The following RET variants were observed in gnomAD, a reference collection of about 807,000 sequenced individuals.
The protein encoded by RET is ret proto-oncogene, also known as proto-oncogene tyrosine-protein kinase receptor Ret.
In RET, 19 loss-of-function variants were observed where a neutral mutation model predicts 118.3. That is an observed-to-expected ratio of 0.16 (90% confidence interval 0.11 to 0.24). The LOEUF (loss-of-function observed/expected upper bound fraction) is 0.24. RET is among the 10% of genes least tolerant of loss of function. The pLI, the probability that RET is intolerant of heterozygous loss-of-function variation, is 1.00. For missense variants in RET, 1,219 were observed against 1,502.1 expected (o/e 0.81, Z 3.12); for synonymous variants, 597 against 644.1 (o/e 0.93, Z 1.11).
chr10:43,090,383 G>A (rs753125224), intron 1 of RET, among the ~76,000 whole-genome samples: 6 of 152,212 alleles, frequency 3.9e-5, no homozygotes, highest in Non-Finnish European at 8.8e-5. Flanking sequence ...GCTCGTGTGA[G>A]GAGGAGGCGT....
intron 1 of RET, among the ~76,000 whole-genome samples, chr10:43,081,913 C>G (rs1440669649): frequency 6.6e-6 from 1 of 152,190 alleles, no homozygotes; most frequent in Non-Finnish European, 1.5e-5. Flanking sequence ...GACCAAGGCT[C>G]TGGGACACTT....
Position 43,119,607 on chromosome 10 carries a change from G to A in RET, c.2469G>A (p.Gly823=), listed in dbSNP as rs1588877213. ...TCCTCCGCGAGAGCCGCAAAGTGGG[G>A]CCTGGCTACCTGGGCAGTGGAGGCA... The part of the protein sequence containing the change: ...RGFLRESRKV[G]PGYLGSGGSR... The change falls in exon 14 of 20, where the codon GGG becomes GGA. Residue 823 remains glycine, a synonymous_variant. Coordinates refer to ENST00000355710, the MANE Select transcript of RET (RefSeq NM_020975.6). 2 of 1,612,704 alleles carry A rather than the reference G, an allele frequency of 1.2e-6. No homozygotes were observed. The highest frequency in any genetic ancestry group is 1.7e-6 in the Non-Finnish European group (2 of 1,179,948).
intron 1 of RET, among the ~76,000 whole-genome samples, chr10:43,093,742 C>T (rs1181631070): frequency 1.3e-5 from 2 of 152,140 alleles, no homozygotes; most frequent in Non-Finnish European, 2.9e-5. Flanking sequence ...AGCATGGGCC[C>T]TCAGCAGCAG....
chr10:43,125,300 T>C (rs1013812205), intron 18 of RET, among the ~76,000 whole-genome samples: 1 of 152,090 alleles, frequency 6.6e-6, no homozygotes, highest in Non-Finnish European at 1.5e-5. Context: ...AATGAGAAAG[T>C]TGAGTTAAAG....
rs1342683619 is a variant in RET, at chr10:43,106,381, C to T, written c.873C>T (p.Thr291=). 1.9e-6 allele frequency: 3 copies of T among 1,610,460 alleles called. No homozygotes were observed. Among genetic ancestry groups the T allele is most frequent in the Non-Finnish European group, 2.5e-6 (3 of 1,179,844 alleles). The stretch of plus-strand genomic sequence containing the variant: ...ACGCCCTCTGCATCCTGCAGGACAC[C>T]GTGGTGGCCACGCTGCGTGTCTTCG... ...AVVEFKRKED[T]VVATLRVFDA... Residue 291 remains threonine (T), a synonymous_variant, in exon 5 of 20, where the codon ACC becomes ACT. Coordinates refer to ENST00000355710, the MANE Select transcript of RET (RefSeq NM_020975.6). This position sits in a 1 kb window ranked among gnomAD's most constrained non-coding sequence, Gnocchi z 5.1.
At chr10:43,118,508 C>A (rs1183810341) in intron 13 of RET, 28 bp downstream of exon 13, 3 of 1,539,406 alleles carry the variant, frequency 1.9e-6, no homozygotes, top group Non-Finnish European at 2.7e-6. Context: ...GTGAGGTGGG[C>A]AGCCACTGCA....
intron 15 of RET, among the ~76,000 whole-genome samples, chr10:43,121,205 G>A (rs1338696886): frequency 6.6e-6 from 1 of 152,206 alleles, no homozygotes; most frequent in Non-Finnish European, 1.5e-5. Context: ...AGACGTGCAG[G>A]CTACACTGTC....
chr10:43,102,754 A>T (rs538498860), intron 3 of RET, 125 bp downstream of exon 3: 1 of 1,205,496 alleles, frequency 8.3e-7, no homozygotes, highest in East Asian at 2.5e-5. Context: ...TCAATATTCC[A>T]GAAGTACCTC....
Position 43,123,264 on chromosome 10 carries a change from A to G in RET, c.2802-407A>G, listed in dbSNP as rs560463852. 4.6e-5 allele frequency among the ~76,000 whole-genome samples: 7 copies of G among 152,358 alleles called. No homozygotes were observed. In the South Asian group the frequency reaches 1.4e-3, roughly 32 times the overall value. ...AGCACATAGAAATGGCAAAAGAACT[A>G]TACAAGGCACTCTGAGTCTGGTGGC... On this transcript the variant is annotated intron_variant, in intron 16 of 19. Transcript: ENST00000355710.
intron 11 of RET, among the ~76,000 whole-genome samples, chr10:43,115,331 C>T (rs1838047045): frequency 6.6e-6 from 1 of 152,240 alleles, no homozygotes. Context: ...CCACAGGGCC[C>T]TGGCAGTTCC....
chr10:43,112,628 G>A (rs935302253), intron 8 of RET, among the ~76,000 whole-genome samples: 7 of 152,156 alleles, frequency 4.6e-5, no homozygotes, highest in Admixed American at 2.0e-4. Context: ...AGAGGGTCCC[G>A]GCCTCTTTGC....
chr10:43,095,237 G>A (rs1837497380), intron 1 of RET, among the ~76,000 whole-genome samples: 1 of 152,204 alleles, frequency 6.6e-6, no homozygotes, highest in Admixed American at 6.5e-5. Flanking sequence ...GGTATGGGCT[G>A]CATCAGTGCC....
chr10:43,128,384 G>T lies in RET; in HGVS notation c.*115G>T. The T allele has an allele frequency of 7.9e-7, 1 of 1,258,838 alleles. No homozygotes were observed. The highest frequency in any genetic ancestry group is 1.2e-6 in the Non-Finnish European group (1 of 867,984). 78.0% of individuals were successfully genotyped at this position (1,258,838 alleles called of 1,614,324 possible). On this transcript the variant is annotated 3_prime_UTR_variant, in exon 20 of 20. Coordinates refer to ENST00000355710, the MANE Select transcript of RET (RefSeq NM_020975.6). ...TTGGCCGAGCCGTGTTCAGTTCCCA[G>T]GTGGCAGACTCGTTTTTGGTAGTTT...
intron 1 of RET, among the ~76,000 whole-genome samples, chr10:43,089,790 C>T (rs376707839): frequency 1.7e-4 from 26 of 152,360 alleles, no homozygotes; most frequent in African/African-American, 6.3e-4. Context: ...TGGAGGAAGC[C>T]GTCCCTGCCA....
In RET at chr10:43,118,420, G is replaced by A. The variant is rs75686697; in HGVS notation, c.2332G>A (p.Val778Ile). 3.4e-5 allele frequency: 55 copies of A among 1,614,026 alleles called. No homozygotes were observed. The highest frequency in any genetic ancestry group is 5.5e-5 in the South Asian group (5 of 91,088). ...GCGAGACCTGCTGTCAGAGTTCAACGTCCTGAAGCAGGTCAACCACCCACA... is the reference window on the plus strand; with the variant it reads ...GCGAGACCTGCTGTCAGAGTTCAACATCCTGAAGCAGGTCAACCACCCACA... ...ELRDLLSEFN[V>I]LKQVNHPHVI... is the part of the protein sequence containing the mutation. Residue 778 changes from valine to isoleucine, a missense_variant, in exon 13 of 20, where the codon GTC becomes ATC. Physicochemically the swap from Val to Ile is conservative, Grantham distance 29. Coordinates refer to ENST00000355710, the MANE Select transcript of RET (RefSeq NM_020975.6).
At chr10:43,088,833 G>A (rs1190723416) in intron 1 of RET, among the ~76,000 whole-genome samples, 7 of 152,168 alleles carry the variant, frequency 4.6e-5, no homozygotes, top group African/African-American at 9.7e-5. Flanking sequence ...CTCATGGCCC[G>A]AGGAGCTGGC....
At chr10:43,122,937 T>C (rs1419508121) in intron 16 of RET, among the ~76,000 whole-genome samples, 2 of 152,184 alleles carry the variant, frequency 1.3e-5, no homozygotes, top group Non-Finnish European at 2.9e-5. Flanking sequence ...TACTGTGGGC[T>C]GTGAATAAGC....
Position 43,114,816 on chromosome 10 carries a change from G to C in RET, c.2136+80G>C. The C allele has an allele frequency of 2.0e-6, 3 of 1,467,104 alleles. No homozygotes were observed. The highest frequency in any genetic ancestry group is 2.7e-6 in the Non-Finnish European group (3 of 1,096,178). 90.9% of individuals were successfully genotyped at this position (1,467,104 alleles called of 1,614,324 possible). A position where few individuals can be genotyped will look rare whatever the true frequency, so the allele number is the denominator to read the frequency against. On this transcript the variant is annotated intron_variant, in intron 11 of 19. Coordinates refer to ENST00000355710, the MANE Select transcript of RET (RefSeq NM_020975.6). This position sits in a 1 kb window ranked among gnomAD's most constrained non-coding sequence, Gnocchi z 4.6. The stretch of plus-strand genomic sequence containing the variant: ...GGGAGGGAGGCCAGCTGGGGAGACA[G>C]AGGCCATCCTGTGAGGGGCTGCCAA...
At position 43,124,975 on chromosome 10, in the gene RET, A is replaced by G; in HGVS notation, c.3032A>G (p.Lys1011Arg). 6.2e-7 allele frequency: 1 copy of G among 1,614,214 alleles called. No homozygotes were observed. The highest frequency in any genetic ancestry group is 8.5e-7 in the Non-Finnish European group (1 of 1,180,034). Residue 1011 changes from lysine (K) to arginine (R), a missense_variant, in exon 18 of 20, where the codon AAG becomes AGG. This residue lies in a region of RET where 174 missense variants were observed against 179.3 expected (regional missense o/e 0.97). Transcript: ENST00000355710. ...ISKDLEKMMV[K>R]RRDYLDLAAS... ...AAAGACCTGGAGAAGATGATGGTTA[A>G]GAGGAGAGTGAGTGCCTGGGTCCAA...
Sources: allele counts gnomAD v4.1 joint callset (sites outside exome capture counted in the v4.1 genomes callset), GRCh38; gene constraint gnomAD v4.1.1; regional missense constraint gnomAD v4.1.1; non-coding constraint Gnocchi (gnomAD v3.1); transcripts MANE v1.5; gene names NCBI Gene and HGNC (gene_info 2026-07-23, HGNC 2026-07-21).